Variants in TRHDE observed in about 807,000 individuals in gnomAD.
TRHDE encodes the protein thyrotropin releasing hormone degrading enzyme, also known as thyrotropin-releasing hormone-degrading ectoenzyme.
TRHDE carries 72 observed loss-of-function variants against 125.7 expected under a neutral mutation model. The observed-to-expected ratio is 0.57, with a 90% CI of 0.47 to 0.70. The LOEUF is 0.70. Ranked by LOEUF, TRHDE falls within the 30% of genes least tolerant of loss-of-function variation. The pLI is 0.00. For synonymous variants in TRHDE, 509 were observed against 509.1 expected, an observed-to-expected ratio of 1.00 and a Z score of 0.00; for missense variants, 1,110 against 1,327.1, an observed-to-expected ratio of 0.84 and a Z score of 2.54.
chr12:72,626,407 G>A (rs545341874), intron 15 of TRHDE, among the ~76,000 whole-genome samples: 5 of 151,856 alleles, frequency 3.3e-5, no homozygotes, highest in East Asian at 1.9e-4. Flanking sequence ...GTAGTGGGTC[G>A]TGTGAATTTT....
chr12:72,164,799 A>G (rs529974868), intron 2 of TRHDE, among the ~76,000 whole-genome samples: 1 of 152,286 alleles, frequency 6.6e-6, no homozygotes, highest in Admixed American at 6.5e-5. Context: ...CGGGGCCTCA[A>G]TCCCCTATAA....
At chr12:72,656,677 A>T (rs1874720095) in intron 17 of TRHDE, among the ~76,000 whole-genome samples, 1 of 152,076 alleles carries the variant, frequency 6.6e-6, no homozygotes, top group South Asian at 2.1e-4. Flanking sequence ...CCCTTTAAAA[A>T]ATTTGCTACA....
chr12:72,407,458 T>C (rs751899434), intron 3 of TRHDE, among the ~76,000 whole-genome samples: 1 of 152,186 alleles, frequency 6.6e-6, no homozygotes, highest in Non-Finnish European at 1.5e-5. Context: ...AGGAGAACGC[T>C]AGTGTGGAGT....
At chr12:72,614,668 T>C (rs1324736074) in intron 12 of TRHDE, among the ~76,000 whole-genome samples, 2 of 152,032 alleles carry the variant, frequency 1.3e-5, no homozygotes, top group African/African-American at 4.8e-5. Context: ...AGTATGATGC[T>C]CCAAAGAATC....
chr12:72,429,598 C>G (rs1874355590), intron 3 of TRHDE, among the ~76,000 whole-genome samples: 1 of 151,958 alleles, frequency 6.6e-6, no homozygotes, highest in Non-Finnish European at 1.5e-5. Context: ...TTTGAAGGAT[C>G]TGCCAGACTA....
chr12:72,462,215 T>C (rs113629775), intron 3 of TRHDE, among the ~76,000 whole-genome samples: 15 of 151,980 alleles, frequency 9.9e-5, no homozygotes, highest in African/African-American at 3.4e-4. Context: ...ATTCAAAGAG[T>C]GAAGTGGGGC....
chr12:72,470,533 G>T (rs1242109463), intron 4 of TRHDE, among the ~76,000 whole-genome samples: 1 of 152,154 alleles, frequency 6.6e-6, no homozygotes, highest in African/African-American at 2.4e-5. Context: ...TGAATGGAAG[G>T]TATTAGATTT....
chr12:72,174,109 A>G (rs1876937777), intron 2 of TRHDE, among the ~76,000 whole-genome samples: 2 of 152,118 alleles, frequency 1.3e-5, no homozygotes, highest in Non-Finnish European at 1.5e-5. Flanking sequence ...GTGCTTTGGG[A>G]CTTGCTCTCC....
intron 12 of TRHDE, among the ~76,000 whole-genome samples, chr12:72,594,502 G>GT (rs11446527): frequency 0.085 from 11,556 of 135,922 alleles, 505 homozygotes; most frequent in Middle Eastern, 0.15. Flanking sequence ...ACAGATGTGA[G>GT]TTTTTTTTTT....
chr12:72,321,892 C>CA (rs1298088325), intron 2 of TRHDE, among the ~76,000 whole-genome samples: 1 of 151,936 alleles, frequency 6.6e-6, no homozygotes, highest in African/African-American at 2.4e-5. Flanking sequence ...CACACACACA[C>CA]CCCCTAAGAG....
At chr12:72,537,138 TG>T (rs2135982108) in intron 6 of TRHDE, among the ~76,000 whole-genome samples, 1 of 152,216 alleles carries the variant, frequency 6.6e-6, no homozygotes, top group African/African-American at 2.4e-5. Flanking sequence ...CTCAATTTTC[TG>T]ACCTGATAAA....
intron 2 of TRHDE, among the ~76,000 whole-genome samples, chr12:72,297,486 T>A (rs1254208354): frequency 7.9e-5 from 12 of 152,106 alleles, no homozygotes; most frequent in African/African-American, 2.7e-4. Flanking sequence ...ACCAAAAGGT[T>A]GTGTTGGAAC....
chr12:72,487,236 A>G (rs1353836582), intron 5 of TRHDE, among the ~76,000 whole-genome samples: 2 of 152,184 alleles, frequency 1.3e-5, no homozygotes, highest in African/African-American at 4.8e-5. Context: ...ATTTAATGAA[A>G]TAATTGCTGA....
intron 6 of TRHDE, among the ~76,000 whole-genome samples, chr12:72,519,254 T>G (rs1182265364): frequency 1.3e-5 from 2 of 152,208 alleles, no homozygotes; most frequent in Non-Finnish European, 2.9e-5. Flanking sequence ...CCAACTTGGT[T>G]CCATTCTCCC....
intron 12 of TRHDE, among the ~76,000 whole-genome samples, chr12:72,618,673 T>C (rs1253443065): frequency 6.6e-6 from 1 of 152,144 alleles, no homozygotes; most frequent in East Asian, 1.9e-4. Flanking sequence ...TCTGATGTTT[T>C]TGTATTCGTA....
chr12:72,530,584 C>G lies in TRHDE; in HGVS notation c.1723-11707C>G, dbSNP rs185963531. On this transcript the variant is annotated intron_variant, in intron 6 of 18. Coordinates refer to ENST00000261180, the MANE Select transcript of TRHDE (RefSeq NM_013381.3). The stretch of plus-strand genomic sequence containing the variant: ...TTTGTCTTCTTCATCTATTCTTGCT[C>G]TCTGTGGGAGCCTGGGACTTCTAGC... Among the ~76,000 whole-genome samples the G allele has an allele frequency of 8.0e-5, 12 of 149,292 alleles. No individual in the cohort carries two copies. The East Asian group carries it at 1.4e-3, about 17-fold the overall frequency.
At chr12:72,102,025 A>G (rs1418332887) in intron 1 of TRHDE, among the ~76,000 whole-genome samples, 1 of 152,206 alleles carries the variant, frequency 6.6e-6, no homozygotes, top group Non-Finnish European at 1.5e-5. Flanking sequence ...TTCCTGTCTG[A>G]ATCTTTGCTT....
rs759630344 is a variant in TRHDE at position 72,656,911 on chromosome 12, CT to C, written c.2985-9del. 4 of 1,564,126 alleles carry C rather than the reference CT, an allele frequency of 2.6e-6. No individual in the cohort carries two copies. The highest frequency in any genetic ancestry group is 1.8e-5 in the Admixed American group (1 of 56,922). On this transcript the variant is annotated splice_polypyrimidine_tract_variant and intron_variant, in intron 17 of 18. Transcript: ENST00000261180. ...TATGACCTGCATTGACATTAAGACT[CT>C]TTTTTTCTTTTGAGGTATGGAGAAG...
chr12:72,218,311 G>T (rs1044499513), intron 2 of TRHDE, among the ~76,000 whole-genome samples: 1 of 152,070 alleles, frequency 6.6e-6, no homozygotes, highest in Admixed American at 6.6e-5. Flanking sequence ...ATGATTACCA[G>T]CTCTCAGCTA....
Sources: allele counts gnomAD v4.1 joint callset (sites outside exome capture counted in the v4.1 genomes callset), GRCh38; gene constraint gnomAD v4.1.1; transcripts MANE v1.5; gene names NCBI Gene and HGNC (gene_info 2026-07-23, HGNC 2026-07-21).